KCND2: variants seen among roughly 807,000 people sequenced by gnomAD.
The protein encoded by KCND2 is A-type voltage-gated potassium channel KCND2.
Under a neutral mutation model 54.4 loss-of-function variants are expected in KCND2, and 16 were observed. The observed-to-expected ratio is 0.29, with a 90% CI of 0.20 to 0.45. KCND2 has a LOEUF of 0.45. KCND2 is among the 20% of genes least tolerant of loss of function. KCND2 has a pLI of 1.00. For missense variants in KCND2, 486 were observed against 824.2 expected, an observed-to-expected ratio of 0.59 and a Z score of 5.02; for synonymous variants, 317 against 310.7, an observed-to-expected ratio of 1.02 and a Z score of -0.21.
At chr7:120,597,119 A>G (rs1792755321) in intron 1 of KCND2, among the ~76,000 whole-genome samples, 1 of 152,230 alleles carries the variant, frequency 6.6e-6, no homozygotes, top group African/African-American at 2.4e-5. Flanking sequence ...TTAGGTTACT[A>G]CAATAATCAA....
At chr7:120,741,420 C>A in intron 2 of KCND2, 114 bp from the exon 3 acceptor site, 4 of 741,290 alleles carry the variant, frequency 5.4e-6, no homozygotes, top group Non-Finnish European at 7.2e-6. Flanking sequence ...ATTTGAAAAG[C>A]TGGCTTACTT....
At chr7:120,335,468 C>CTTACTTATTTAT (rs1554428368) in intron 1 of KCND2, among the ~76,000 whole-genome samples, 33 of 110,662 alleles carry the variant, frequency 3.0e-4, no homozygotes, top group African/African-American at 1.3e-3. Flanking sequence ...TACTTACTTA[C>CTTACTTATTTAT]TTATTTATTT....
chr7:120,575,658 G>A (rs1295557914), intron 1 of KCND2, among the ~76,000 whole-genome samples: 1 of 151,962 alleles, frequency 6.6e-6, no homozygotes, highest in East Asian at 1.9e-4. Flanking sequence ...CCCAAAATTT[G>A]TACACCTGGC....
intron 1 of KCND2, among the ~76,000 whole-genome samples, chr7:120,458,834 AAAT>A (rs1301229486): frequency 6.6e-6 from 1 of 150,958 alleles, no homozygotes; most frequent in Non-Finnish European, 1.5e-5. Flanking sequence ...TATATCCAAA[AAAT>A]AATAATTATT....
chr7:120,334,719 A>G (rs1396738448), intron 1 of KCND2, among the ~76,000 whole-genome samples: 1 of 152,136 alleles, frequency 6.6e-6, no homozygotes, highest in Non-Finnish European at 1.5e-5. Context: ...CCTCATCTTA[A>G]CATTCTAGTA....
intron 1 of KCND2, among the ~76,000 whole-genome samples, chr7:120,396,346 T>C (rs1801155970): frequency 6.6e-6 from 1 of 152,046 alleles, no homozygotes; most frequent in African/African-American, 2.4e-5. Flanking sequence ...AGTTTCCTGA[T>C]TTACATCCTC....
intron 1 of KCND2, among the ~76,000 whole-genome samples, chr7:120,626,887 A>G (rs1394829355): frequency 6.6e-6 from 1 of 152,194 alleles, no homozygotes; most frequent in Admixed American, 6.5e-5. Context: ...GTCTCACTCC[A>G]AAAAAGTCCC....
intron 1 of KCND2, among the ~76,000 whole-genome samples, chr7:120,503,353 C>G (rs1036121944): frequency 1.3e-5 from 2 of 150,366 alleles, no homozygotes; most frequent in African/African-American, 4.9e-5. Context: ...GTTTACATTT[C>G]AAAATTTGAG....
At chr7:120,381,630 C>T (rs1437922169) in intron 1 of KCND2, among the ~76,000 whole-genome samples, 2 of 151,976 alleles carry the variant, frequency 1.3e-5, no homozygotes, top group African/African-American at 4.8e-5. Flanking sequence ...TTTGTAATTT[C>T]AGTTATACCT....
chr7:120,727,251 A>ATCATGCAACTTCTGAACTAG (rs530271086), intron 1 of KCND2, among the ~76,000 whole-genome samples: 102 of 152,344 alleles, frequency 6.7e-4, no homozygotes, highest in African/African-American at 2.4e-3. Flanking sequence ...AGACAGCCAC[A>ATCATGCAACTTCTGAACTAG]TCATGCAACT....
At chr7:120,440,702 A>G (rs1372618287) in intron 1 of KCND2, among the ~76,000 whole-genome samples, 1 of 151,950 alleles carries the variant, frequency 6.6e-6, no homozygotes, top group Non-Finnish European at 1.5e-5. Context: ...ATTTATCTGT[A>G]TGTGGATATC....
chr7:120,708,564 C>A (rs1274456245), intron 1 of KCND2, among the ~76,000 whole-genome samples: 1 of 152,052 alleles, frequency 6.6e-6, no homozygotes, highest in Non-Finnish European at 1.5e-5. Context: ...TATGTATTCA[C>A]TTTTTACTAT....
At chr7:120,503,265 A>T (rs1802962974) in intron 1 of KCND2, among the ~76,000 whole-genome samples, 1 of 152,044 alleles carries the variant, frequency 6.6e-6, no homozygotes, top group African/African-American at 2.4e-5. Flanking sequence ...TTTATGAAAC[A>T]ACAAATGACA....
At chr7:120,557,767 A>T (rs1034762731) in intron 1 of KCND2, among the ~76,000 whole-genome samples, 1 of 152,158 alleles carries the variant, frequency 6.6e-6, no homozygotes, top group Non-Finnish European at 1.5e-5. Flanking sequence ...CCTGAATTCC[A>T]GCTCATGGAA....
intron 1 of KCND2, among the ~76,000 whole-genome samples, chr7:120,731,232 T>A (rs1392268717): frequency 7.2e-5 from 11 of 152,214 alleles, no homozygotes; most frequent in Admixed American, 2.6e-4. Context: ...TACATTCTAA[T>A]GTCAGTAGGG....
intron 1 of KCND2, among the ~76,000 whole-genome samples, chr7:120,708,683 C>A (rs749561156): frequency 2.0e-5 from 3 of 152,068 alleles, no homozygotes; most frequent in Non-Finnish European, 4.4e-5. Context: ...ACCCTTTTCC[C>A]AATTATCTTT....
At chr7:120,554,471 C>T (rs1020994145) in intron 1 of KCND2, among the ~76,000 whole-genome samples, 85 of 151,684 alleles carry the variant, frequency 5.6e-4, no homozygotes, top group African/African-American at 2.0e-3. Context: ...TACAGTGGCG[C>T]GATCTCAGCT....
At chr7:120,519,047 G>A (rs1803241541) in intron 1 of KCND2, among the ~76,000 whole-genome samples, 2 of 152,226 alleles carry the variant, frequency 1.3e-5, no homozygotes, top group South Asian at 4.1e-4. Flanking sequence ...TGGTGGCCTT[G>A]GCAGTACGTG....
At chr7:120,353,133 CTTTTT>C (rs72353278) in intron 1 of KCND2, among the ~76,000 whole-genome samples, 2 of 91,794 alleles carry the variant, frequency 2.2e-5, no homozygotes, top group East Asian at 3.7e-4. Context: ...AATACTTTTA[CTTTTT>C]TTTTTTTTTT....
Sources: allele counts gnomAD v4.1 joint callset (sites outside exome capture counted in the v4.1 genomes callset), GRCh38; gene constraint gnomAD v4.1.1; transcripts MANE v1.5; gene names NCBI Gene and HGNC (gene_info 2026-07-23, HGNC 2026-07-21).